RPS6KA1: variants seen among roughly 807,000 people sequenced by gnomAD.
RPS6KA1 encodes the protein ribosomal protein S6 kinase alpha-1.
In RPS6KA1, 48 loss-of-function variants were observed where a neutral mutation model predicts 91.3. The ratio of observed to expected loss-of-function variants is 0.53; its 90% CI spans 0.42 to 0.67. The LOEUF (loss-of-function observed/expected upper bound fraction) is 0.67, where lower values mean the gene tolerates loss of function less well. RPS6KA1 is among the 30% of genes least tolerant of loss of function. The pLI is 0.00. For missense variants in RPS6KA1, 719 were observed against 960.5 expected (o/e 0.75, Z 3.32); for synonymous variants, 359 against 384.7 (o/e 0.93, Z 0.78).
rs540275445 is a variant in RPS6KA1, at chr1:26,529,944, G to C, written c.24G>C (p.Glu8Asp). 1 of 1,433,830 alleles carries C rather than the reference G, an allele frequency of 7.0e-7. No individual in the cohort carries two copies. Among genetic ancestry groups the C allele is most frequent in the African/African-American group, 1.5e-5 (1 of 67,040 alleles). The allele number at this position is 1,433,830 out of a possible 1,614,324, so 88.8% of individuals were successfully genotyped here. ...AGATGCCGCTCGCCCAGCTCAAGGA[G>C]CCCTGGCCGCTCATGGAGCTAGTGC... Reference protein sequence around the residue: MPLAQLKEPWPLMELVPL... With the variant: MPLAQLKDPWPLMELVPL... Residue 8 changes from glutamate to aspartate, a missense_variant, in exon 1 of 22, where the codon GAG becomes GAC. By Grantham distance (45) the Glu-to-Asp change is conservative. Coordinates refer to ENST00000374168, the MANE Select transcript of RPS6KA1 (RefSeq NM_002953.4). This position sits in a 1 kb window ranked among gnomAD's most constrained non-coding sequence, Gnocchi z 4.2.
At chr1:26,539,626 G>A (rs1416779420) in intron 2 of RPS6KA1, among the ~76,000 whole-genome samples, 1 of 152,208 alleles carries the variant, frequency 6.6e-6, no homozygotes, top group Non-Finnish European at 1.5e-5. Flanking sequence ...GTGGCACAAT[G>A]TTGCTGTTTA....
At chr1:26,538,169 G>A (rs1331388580) in intron 2 of RPS6KA1, among the ~76,000 whole-genome samples, 2 of 152,204 alleles carry the variant, frequency 1.3e-5, no homozygotes, top group Non-Finnish European at 2.9e-5. Flanking sequence ...CCTTGGACCA[G>A]CAGAGGCCAG....
chr1:26,574,675 T>A lies in RPS6KA1; in HGVS notation c.*474T>A, dbSNP rs1156500853. On this transcript the variant is annotated 3_prime_UTR_variant, in exon 22 of 22. Transcript: ENST00000374168. This position sits in a 1 kb window ranked among gnomAD's most constrained non-coding sequence, Gnocchi z 4.3. ...ACCTCTCTCAGAGCATCTGGCTGTTTAGCAGAACTCATTCTATCCCCAATC... is the reference window on the plus strand; with the variant it reads ...ACCTCTCTCAGAGCATCTGGCTGTTAAGCAGAACTCATTCTATCCCCAATC... The A allele has an allele frequency of 2.8e-6, 1 of 351,788 alleles. No individual in the cohort carries two copies. Among genetic ancestry groups the A allele is most frequent in the Non-Finnish European group, 5.6e-6 (1 of 179,000 alleles). The allele number at this position is 351,788 out of a possible 1,614,324, so 21.8% of individuals were successfully genotyped here. A position where few individuals can be genotyped will look rare whatever the true frequency, so the allele number is the denominator to read the frequency against.
In RPS6KA1 at chr1:26,571,692, C is replaced by T. The variant is rs970105350; in HGVS notation, c.1752+82C>T. The T allele has an allele frequency of 1.6e-5, 24 of 1,535,510 alleles. No individual in the cohort carries two copies. The highest frequency in any genetic ancestry group is 1.1e-4 in the African/African-American group (8 of 73,066). On this transcript the variant is annotated intron_variant, in intron 18 of 21. Transcript: ENST00000374168. This position sits in a 1 kb window ranked among gnomAD's most constrained non-coding sequence, Gnocchi z 5.1. ...CCCCTCCCAGAGGCCCCACATTAGC[C>T]GGGACTCCAGTCTCTGTGACCTTGG...
intron 1 of RPS6KA1, among the ~76,000 whole-genome samples, chr1:26,532,175 A>G (rs904695767): frequency 2.0e-5 from 3 of 151,986 alleles, no homozygotes; most frequent in African/African-American, 4.8e-5. Context: ...GGAGTAATCT[A>G]TGGGAAGCGT....
Position 26,574,634 on chromosome 1 carries a change from G to A in RPS6KA1, c.*433G>A, listed in dbSNP as rs779418523. On this transcript the variant is annotated 3_prime_UTR_variant, in exon 22 of 22. Coordinates refer to ENST00000374168, the MANE Select transcript of RPS6KA1 (RefSeq NM_002953.4). The surrounding 1 kb of genome is among the most constrained non-coding windows in gnomAD (Gnocchi z 4.3). Reference sequence around the variant, plus strand: ...CCTGTAGCCATCTGCACACACCTCCGAGACAGTCCAGTGTCACCTCTCTCA... The same window carrying A: ...CCTGTAGCCATCTGCACACACCTCCAAGACAGTCCAGTGTCACCTCTCTCA... The A allele has an allele frequency of 2.4e-5, 9 of 367,542 alleles. 1 individual carries two copies. Among genetic ancestry groups the A allele is most frequent in the African/African-American group, 4.3e-5 (2 of 46,934 alleles). 22.8% of individuals were successfully genotyped at this position (367,542 alleles called of 1,614,324 possible).
At chr1:26,544,676 G>A (rs941483699) in intron 2 of RPS6KA1, among the ~76,000 whole-genome samples, 17 of 151,928 alleles carry the variant, frequency 1.1e-4, no homozygotes, top group African/African-American at 4.1e-4. Flanking sequence ...GGGTTTCACC[G>A]TGTTAGCCAG....
chr1:26,534,427 G>A (rs528544899), intron 1 of RPS6KA1, among the ~76,000 whole-genome samples: 67 of 152,228 alleles, frequency 4.4e-4, no homozygotes, highest in African/African-American at 1.5e-3. Flanking sequence ...GTGTGGACAG[G>A]GGTGACATTT....
At chr1:26,552,213 C>T (rs755284749) in intron 6 of RPS6KA1, among the ~76,000 whole-genome samples, 1 of 151,898 alleles carries the variant, frequency 6.6e-6, no homozygotes, top group Non-Finnish European at 1.5e-5. Flanking sequence ...CATGGTGAAA[C>T]CCCGTCTCTA....
chr1:26,535,262 A>G (rs1461036533), intron 1 of RPS6KA1, among the ~76,000 whole-genome samples: 3 of 152,016 alleles, frequency 2.0e-5, no homozygotes, highest in Non-Finnish European at 4.4e-5. Context: ...TAGGGGCATT[A>G]AAGGGGCTCA....
intron 17 of RPS6KA1, among the ~76,000 whole-genome samples, chr1:26,569,809 T>G (rs531962168): frequency 6.6e-6 from 1 of 152,298 alleles, no homozygotes; most frequent in East Asian, 1.9e-4. Flanking sequence ...GACATAGGGT[T>G]ATGATCGTTA....
In RPS6KA1 at chr1:26,549,657, A is replaced by G. The variant is rs908980867; in HGVS notation, c.308-1740A>G. Reference sequence around the variant, plus strand: ...ACTTAGTTGAAACACACTGCCCAAAATGAACCTAGGCAGCCATGTCCAAAA... The same window carrying G: ...ACTTAGTTGAAACACACTGCCCAAAGTGAACCTAGGCAGCCATGTCCAAAA... On this transcript the variant is annotated intron_variant, in intron 4 of 21. Coordinates refer to ENST00000374168, the MANE Select transcript of RPS6KA1 (RefSeq NM_002953.4). Among the ~76,000 whole-genome samples, 64 of 151,292 alleles carry G rather than the reference A, an allele frequency of 4.2e-4. 1 individual carries two copies. Among genetic ancestry groups the G allele is most frequent in the Non-Finnish European group, 8.8e-5 (6 of 67,842 alleles).
In RPS6KA1 at chr1:26,555,755, C is replaced by T. The variant is rs2076095668; in HGVS notation, c.916+130C>T. 4 of 875,826 alleles carry T rather than the reference C, an allele frequency of 4.6e-6. No homozygotes were observed. Among genetic ancestry groups the T allele is most frequent in the Non-Finnish European group, 7.3e-6 (4 of 545,234 alleles). 54.3% of individuals were successfully genotyped at this position (875,826 alleles called of 1,614,324 possible). The stretch of plus-strand genomic sequence containing the variant: ...TTGTGTGGGCAGACAATGCCGCGGG[C>T]CACCCTGCTTTCTGGCTCCATGTGT... On this transcript the variant is annotated intron_variant, in intron 11 of 21. Coordinates refer to ENST00000374168, the MANE Select transcript of RPS6KA1 (RefSeq NM_002953.4). The surrounding 1 kb of genome is among the most constrained non-coding windows in gnomAD (Gnocchi z 4.3).
At chr1:26,556,453 A>C (rs1448618905) in intron 11 of RPS6KA1, among the ~76,000 whole-genome samples, 1 of 152,188 alleles carries the variant, frequency 6.6e-6, no homozygotes, top group Non-Finnish European at 1.5e-5. Flanking sequence ...GAATTTCTTC[A>C]TCAGAAGCTC....
intron 2 of RPS6KA1, chr1:26,544,312 A>T (rs1563506): frequency 0.022 from 9,358 of 427,206 alleles, 726 homozygotes; most frequent in African/African-American, 0.17. Context: ...TACATGTCAC[A>T]TGTTAGGTGC....
At position 26,551,517 on chromosome 1, in the gene RPS6KA1, T is replaced by C. The variant is rs764738578; in HGVS notation, c.388+40T>C. 52 of 1,608,560 alleles carry C rather than the reference T, an allele frequency of 3.2e-5. No homozygotes were observed. In the East Asian group the frequency reaches 1.0e-3, roughly 31 times the overall value. On this transcript the variant is annotated intron_variant, in intron 5 of 21. Coordinates refer to ENST00000374168, the MANE Select transcript of RPS6KA1 (RefSeq NM_002953.4). The surrounding 1 kb of genome is among the most constrained non-coding windows in gnomAD (Gnocchi z 4.5). ...CCTGCCTGAGCTCCTACCCCACCCA[T>C]CCTTCGCCCTTGCCTGTGGTCTGTA... is the stretch of plus-strand genomic sequence containing the variant.
Position 26,561,386 on chromosome 1 carries a change from A to G in RPS6KA1, c.1432-119A>G. 1 of 1,319,232 alleles carries G rather than the reference A, an allele frequency of 7.6e-7. No homozygotes were observed. Among genetic ancestry groups the G allele is most frequent in the Non-Finnish European group, 1.1e-6 (1 of 933,120 alleles). 81.7% of individuals were successfully genotyped at this position (1,319,232 alleles called of 1,614,324 possible). A position where few individuals can be genotyped will look rare whatever the true frequency, so the allele number is the denominator to read the frequency against. On this transcript the variant is annotated intron_variant, in intron 16 of 21. Transcript: ENST00000374168. The surrounding 1 kb of genome is among the most constrained non-coding windows in gnomAD (Gnocchi z 5.7). ...CTTTTGGGGAAGGCAGGACCACTGA[A>G]GAGCAAGCAGAACACCTGCCCAAGG...
rs761951863 is a variant in RPS6KA1, at chr1:26,574,082, G to T, written c.2089G>T (p.Ala697Ser). Residue 697 changes from alanine to serine, a missense_variant, in exon 22 of 22, where the codon GCC becomes TCC. By Grantham distance (99) the Ala-to-Ser change is moderately conservative. Coordinates refer to ENST00000374168, the MANE Select transcript of RPS6KA1 (RefSeq NM_002953.4). The surrounding 1 kb of genome is among the most constrained non-coding windows in gnomAD (Gnocchi z 4.3). Reference sequence around the variant, plus strand: ...GACCTCCCCACTTCTCTTTCAGGGAGCCATGGCTGCCACGTACTCCGCACT... The same window carrying T: ...GACCTCCCCACTTCTCTTTCAGGGATCCATGGCTGCCACGTACTCCGCACT... The part of the protein sequence containing the change: ...SHQDLQLVKG[A>S]MAATYSALNS... The T allele has an allele frequency of 1.9e-6, 3 of 1,613,908 alleles. No homozygotes were observed. The highest frequency in any genetic ancestry group is 2.5e-6 in the Non-Finnish European group (3 of 1,179,840).
In RPS6KA1 at chr1:26,574,416, G is replaced by A. The variant is rs762469570; in HGVS notation, c.*215G>A. 17 of 769,602 alleles carry A rather than the reference G, an allele frequency of 2.2e-5. No homozygotes were observed. Among genetic ancestry groups the A allele is most frequent in the Non-Finnish European group, 3.6e-5 (15 of 415,216 alleles). The allele number at this position is 769,602 out of a possible 1,614,324, so 47.7% of individuals were successfully genotyped here. A position where few individuals can be genotyped will look rare whatever the true frequency, so the allele number is the denominator to read the frequency against. ...GGCTCAGGCTCTGCTGGTGGAAAGC[G>A]ATTCACTGTATAAACTTTTTTTTAT... On this transcript the variant is annotated 3_prime_UTR_variant, in exon 22 of 22. Coordinates refer to ENST00000374168, the MANE Select transcript of RPS6KA1 (RefSeq NM_002953.4). This position sits in a 1 kb window ranked among gnomAD's most constrained non-coding sequence, Gnocchi z 4.3.
Sources: gnomAD v4.1 joint callset for allele counts (sites outside exome capture counted in the v4.1 genomes callset) on GRCh38, gnomAD v4.1.1 for gene constraint, Gnocchi (gnomAD v3.1) non-coding constraint, MANE v1.5 for transcripts, NCBI Gene and HGNC (gene_info 2026-07-23, HGNC 2026-07-21) for gene names.